The following FAF2 variants were observed in gnomAD, a reference collection of about 807,000 sequenced individuals.
FAF2 encodes FAS-associated factor 2.
In FAF2, 9 loss-of-function variants were observed where a neutral mutation model predicts 62.3. The ratio of observed to expected loss-of-function variants is 0.14; its 90% confidence interval spans 0.09 to 0.25. The LOEUF is 0.25. Ranked by LOEUF, FAF2 falls within the 10% of genes least tolerant of loss-of-function variation. FAF2 has a pLI of 1.00. For missense variants in FAF2, 368 were observed against 556.2 expected (o/e 0.66, Z 3.40); for synonymous variants, 202 against 198.0 (o/e 1.02, Z -0.17).
chr5:176,458,183 G>A (rs959696952), intron 1 of FAF2, among the ~76,000 whole-genome samples: 2 of 152,114 alleles, frequency 1.3e-5, no homozygotes, highest in African/African-American at 4.8e-5. Flanking sequence ...CTGGACTCAA[G>A]CCATCTTTCC....
intron 1 of FAF2, among the ~76,000 whole-genome samples, chr5:176,458,122 C>T (rs1411489120): frequency 2.6e-5 from 4 of 152,210 alleles, no homozygotes; most frequent in Non-Finnish European, 4.4e-5. Context: ...GTATCTGTCG[C>T]CCAGGCTGGA....
intron 1 of FAF2, among the ~76,000 whole-genome samples, chr5:176,461,253 G>A (rs963537765): frequency 1.4e-5 from 2 of 145,598 alleles, no homozygotes; most frequent in Non-Finnish European, 3.0e-5. Context: ...ACCTCAAGCA[G>A]TCCACCCACC....
rs571061959 is a variant in FAF2, at chr5:176,505,023, G to GA, written c.1156-1727dup. The stretch of plus-strand genomic sequence containing the variant: ...GGGCGACAGAGCAAGACCTGTCTGG[G>GA]AAAAAAAAAAAAAAAAAAGTTCCCT... On this transcript the variant is annotated intron_variant, in intron 10 of 10. Transcript: ENST00000261942. Among the ~76,000 whole-genome samples the GA allele has an allele frequency of 2.5e-3, 306 of 122,056 alleles. 1 individual carries two copies. Among genetic ancestry groups the GA allele is most frequent in the Middle Eastern group, 4.1e-3 (1 of 246 alleles). The allele number at this position is 122,056 out of a possible 152,430, so 80.1% of individuals were successfully genotyped here. A position where few individuals can be genotyped will look rare whatever the true frequency, so the allele number is the denominator to read the frequency against.
chr5:176,457,951 G>C (rs767757193), intron 1 of FAF2, among the ~76,000 whole-genome samples: 13 of 152,182 alleles, frequency 8.5e-5, no homozygotes, highest in Non-Finnish European at 1.5e-4. Context: ...CACTGCCTCA[G>C]TTTATACTTC....
At chr5:176,479,052 G>A (rs966980756) in intron 1 of FAF2, 136 bp from the exon 2 acceptor site, 3 of 698,778 alleles carry the variant, frequency 4.3e-6, no homozygotes, top group South Asian at 1.6e-5. Context: ...ATTCTGAATC[G>A]GTGAAGTTTT....
intron 1 of FAF2, among the ~76,000 whole-genome samples, chr5:176,457,008 G>A (rs1026919903): frequency 8.5e-5 from 13 of 152,074 alleles, no homozygotes; most frequent in Admixed American, 8.5e-4. Context: ...TTCAAAATGC[G>A]TTATTTTTTC....
Position 176,499,024 on chromosome 5 carries a change from G to T in FAF2, c.950G>T (p.Arg317Leu). 2 of 1,612,568 alleles carry T rather than the reference G, an allele frequency of 1.2e-6. No individual in the cohort carries two copies. The highest frequency in any genetic ancestry group is 8.5e-7 in the Non-Finnish European group (1 of 1,179,108). The change falls in exon 9 of 11, where the codon CGT becomes CTT. Residue 317 changes from arginine (R) to leucine (L), a missense_variant. Transcript: ENST00000261942. The stretch of plus-strand genomic sequence containing the variant: ...AGAAAGAAACGGGAGGAGCGGGAGC[G>T]TAAGCGGCGGAAGGAGGAGGAGGTG... ...KERKKREERERKRRKEEEVQQ... is the reference protein window; with the variant it reads ...KERKKREERELKRRKEEEVQQ...
chr5:176,500,235 T>C, intron 10 of FAF2, 89 bp downstream of exon 10: 2 of 1,264,748 alleles, frequency 1.6e-6, no homozygotes, highest in Non-Finnish European at 1.1e-6. Context: ...GGTGTTGGTG[T>C]ATCTGCTGCT....
At position 176,460,513 on chromosome 5, in the gene FAF2, C is replaced by CGCGTGT. The variant is rs1554131473; in HGVS notation, c.63+12044_63+12045insCGTGTG. Reference sequence around the variant, plus strand: ...CAGTGATGTTGACTATTTTTGGCCGCGTGTGTGTGTGTGTGTGTGTGTGTG... The same window carrying CGCGTGT: ...CAGTGATGTTGACTATTTTTGGCCGCGCGTGTGTGTGTGTGTGTGTGTGTGTGTGTG... On this transcript the variant is annotated intron_variant, in intron 1 of 10. Transcript: ENST00000261942. Among the ~76,000 whole-genome samples, 496 of 132,662 alleles carry CGCGTGT rather than the reference C, an allele frequency of 3.7e-3. 3 individuals carry two copies. Among genetic ancestry groups the CGCGTGT allele is most frequent in the Admixed American group, 6.3e-3 (81 of 12,824 alleles). The allele number at this position is 132,662 out of a possible 152,430, so 87.0% of individuals were successfully genotyped here.
At chr5:176,462,538 C>T (rs1758396034) in intron 1 of FAF2, among the ~76,000 whole-genome samples, 1 of 151,970 alleles carries the variant, frequency 6.6e-6, no homozygotes, top group Admixed American at 6.6e-5. Context: ...GCAGGAGAAT[C>T]ACTCGAACCC....
At chr5:176,496,824 A>C in intron 8 of FAF2, 161 bp downstream of exon 8, 1 of 490,736 alleles carries the variant, frequency 2.0e-6, no homozygotes, top group Non-Finnish European at 3.5e-6. Context: ...TTTGACCTAA[A>C]TTACTCTATA....
intron 1 of FAF2, among the ~76,000 whole-genome samples, chr5:176,452,305 G>T (rs1758203171): frequency 6.6e-6 from 1 of 152,112 alleles, no homozygotes; most frequent in Non-Finnish European, 1.5e-5. Context: ...TGATCCACCT[G>T]CCTCGGCCTC....
In FAF2 at chr5:176,457,542, C is replaced by T. The variant is rs566732727; in HGVS notation, c.63+9072C>T. Among the ~76,000 whole-genome samples the T allele has an allele frequency of 2.6e-5, 4 of 152,218 alleles. No homozygotes were observed. The South Asian group carries it at 8.3e-4, about 32-fold the overall frequency. On this transcript the variant is annotated intron_variant, in intron 1 of 10. Coordinates refer to ENST00000261942, the MANE Select transcript of FAF2 (RefSeq NM_014613.3). ...TTTGGACCATCTGAGGATTATTTCA[C>T]ATATTCAAGGATTCTAGTTGTCGTT...
chr5:176,478,176 C>T (rs951576076), intron 1 of FAF2, among the ~76,000 whole-genome samples: 15 of 152,076 alleles, frequency 9.9e-5, no homozygotes, highest in Non-Finnish European at 1.8e-4. Context: ...GACATCTGAA[C>T]GGAAATAGTG....
intron 2 of FAF2, among the ~76,000 whole-genome samples, chr5:176,484,890 T>G (rs1274654192): frequency 8.0e-6 from 1 of 125,130 alleles, no homozygotes; most frequent in Non-Finnish European, 1.7e-5. Flanking sequence ...AGACTCCATC[T>G]CAAGAAAAAA....
intron 1 of FAF2, among the ~76,000 whole-genome samples, chr5:176,477,133 G>A (rs1160108317): frequency 1.5e-5 from 2 of 131,380 alleles, no homozygotes; most frequent in African/African-American, 5.8e-5. Flanking sequence ...TTTAAGTTGA[G>A]GCGGGGTTTC....
intron 2 of FAF2, among the ~76,000 whole-genome samples, chr5:176,480,365 T>G (rs1053872490): frequency 3.9e-5 from 6 of 152,104 alleles, no homozygotes; most frequent in African/African-American, 1.2e-4. Context: ...TTTGAGCAAT[T>G]AAACTCTAGG....
chr5:176,490,277 C>T (rs1022281584), intron 4 of FAF2, among the ~76,000 whole-genome samples: 2 of 150,374 alleles, frequency 1.3e-5, no homozygotes, highest in African/African-American at 4.9e-5. Flanking sequence ...CACCACTGCA[C>T]TCCAGCCTGG....
At chr5:176,474,859 G>A (rs1230408980) in intron 1 of FAF2, among the ~76,000 whole-genome samples, 1 of 152,146 alleles carries the variant, frequency 6.6e-6, no homozygotes, top group Non-Finnish European at 1.5e-5. Context: ...TTTAAACAGG[G>A]CAGGGACTGT....
Sources: gnomAD v4.1 joint callset for allele counts (sites outside exome capture counted in the v4.1 genomes callset) on GRCh38, gnomAD v4.1.1 for gene constraint, MANE v1.5 for transcripts, NCBI Gene and HGNC (gene_info 2026-07-23, HGNC 2026-07-21) for gene names.